Variants in ZNF140 observed in about 807,000 individuals in gnomAD.
ZNF140 encodes the protein zinc finger protein 140, also known as zinc finger protein 140 (clone pHZ-39).
Under a neutral mutation model 12.9 loss-of-function variants are expected in ZNF140, and 13 were observed. The observed-to-expected ratio is 1.01, with a 90% CI of 0.66 to 1.60. The LOEUF is 1.60. Ranked by LOEUF, ZNF140 falls within the 40% of genes most tolerant of loss-of-function variation. The pLI, the probability that ZNF140 is intolerant of heterozygous loss-of-function variation, is 0.00. For synonymous variants in ZNF140, 214 were observed against 186.7 expected (o/e 1.15, Z -1.19); for missense variants, 531 against 548.8 (o/e 0.97, Z 0.32).
At chr12:133,081,360 T>C in intron 2 of ZNF140, 31 bp downstream of exon 2, 2 of 269,130 alleles carry the variant, frequency 7.4e-6, no homozygotes, top group South Asian at 7.6e-5. Flanking sequence ...TATATATATA[T>C]ATATATATAT....
Position 133,105,508 on chromosome 12 carries a change from A to C in ZNF140, c.233-2A>C. ...ATTCACTTTTTTTTTGGTATCTTTCAGTTTCAGAGTCAAGTGGTGAGATCA... is the reference window on the plus strand; with the variant it reads ...ATTCACTTTTTTTTTGGTATCTTTCCGTTTCAGAGTCAAGTGGTGAGATCA... On this transcript the variant is annotated splice_acceptor_variant, in intron 4 of 4. Transcript: ENST00000355557. LOFTEE classifies it high-confidence loss of function. 4 of 1,574,380 alleles carry C rather than the reference A, an allele frequency of 2.5e-6. No homozygotes were observed. Among genetic ancestry groups the C allele is most frequent in the Non-Finnish European group, 3.4e-6 (4 of 1,163,964 alleles).
At chr12:133,083,068 G>A (rs890280235) in intron 2 of ZNF140, 35 bp from the exon 3 acceptor site, 22 of 1,613,898 alleles carry the variant, frequency 1.4e-5, no homozygotes, top group African/African-American at 5.3e-5. Flanking sequence ...GGGGGCATGC[G>A]TGCTGGTCAT....
At position 133,083,471 on chromosome 12, in the gene ZNF140, TC is replaced by T. The variant is rs1219185603; in HGVS notation, c.144del (p.Ile49PhefsTer23). The T allele has an allele frequency of 5.0e-6, 8 of 1,611,482 alleles. No homozygotes were observed. In the Admixed American group the frequency reaches 1.3e-4, roughly 27 times the overall value. On this transcript the variant is annotated frameshift_variant, in exon 4 of 5. Transcript: ENST00000355557. LOFTEE classifies it high-confidence loss of function. ...ATTTCATTTTCTGCAAGCAGGTCTT[TC>T]CATTTCTAAGCCAGATGTGGTTTCC... Reference protein sequence around the residue: ...NYGHLVSLGLSISKPDVVSLL... With the variant: ...NYGHLVSLGLXISKPDVVSLL...
chr12:133,099,602 C>T (rs1283229450), intron 4 of ZNF140, among the ~76,000 whole-genome samples: 2 of 152,186 alleles, frequency 1.3e-5, no homozygotes, highest in Non-Finnish European at 2.9e-5. Flanking sequence ...GTGGGAGGTG[C>T]TTGAGCCCAG....
Position 133,106,017 on chromosome 12 carries a change from G to A in ZNF140, c.740G>A (p.Cys247Tyr), listed in dbSNP as rs570468517. 1.9e-6 allele frequency: 3 copies of A among 1,614,122 alleles called. No homozygotes were observed. The South Asian group carries it at 3.3e-5, about 18-fold the overall frequency. ...RTHTGEKPYE[C>Y]TECGKAFSRA... The stretch of plus-strand genomic sequence containing the variant: ...CACACTGGGGAGAAACCTTATGAAT[G>A]TACTGAGTGTGGAAAGGCCTTTAGC... Residue 247 changes from cysteine to tyrosine, a missense_variant, in exon 5 of 5, where the codon TGT becomes TAT. Coordinates refer to ENST00000355557, the MANE Select transcript of ZNF140 (RefSeq NM_003440.4).
rs200990062 is a variant in ZNF140 at position 133,091,137 on chromosome 12, A to C, written c.232+7576A>C. The stretch of plus-strand genomic sequence containing the variant: ...ACAGGTGTCGGGCTGGGGGACGGTC[A>C]GGTCTTTCTCATCCCACGAGGCCAT... On this transcript the variant is annotated intron_variant, in intron 4 of 4. Coordinates refer to ENST00000355557, the MANE Select transcript of ZNF140 (RefSeq NM_003440.4). 5.0e-4 allele frequency among the ~76,000 whole-genome samples: 75 copies of C among 150,122 alleles called. 3 individuals carry two copies. The East Asian group carries it at 0.012, about 25-fold the overall frequency.
chr12:133,085,414 CACAG>C (rs1954642292), intron 4 of ZNF140, among the ~76,000 whole-genome samples: 2 of 152,298 alleles, frequency 1.3e-5, no homozygotes, highest in African/African-American at 2.4e-5. Context: ...AAATATCACA[CACAG>C]ACAGAAGTAA....
chr12:133,084,282 A>G (rs1954601252), intron 4 of ZNF140: 2 of 348,568 alleles, frequency 5.7e-6, no homozygotes, highest in African/African-American at 2.2e-5. Context: ...CTATTTAATC[A>G]CCTTGAAAAG....
Position 133,105,670 on chromosome 12 carries a change from A to C in ZNF140, c.393A>C (p.Gln131His). The C allele has an allele frequency of 1.2e-6, 2 of 1,614,216 alleles. No individual in the cohort carries two copies. The highest frequency in any genetic ancestry group is 1.7e-6 in the Non-Finnish European group (2 of 1,180,038). ...WKCKDHTEML[Q>H]ENQGCIRKVT... ...GCAAGGATCATACTGAGATGCTGCA[A>C]GAAAATCAGGGATGTATTAGGAAAG... Residue 131 changes from glutamine (Q) to histidine (H), a missense_variant, in exon 5 of 5, where the codon CAA becomes CAC. Gln to His is a conservative substitution (Grantham distance 24). Transcript: ENST00000355557.
Position 133,106,406 on chromosome 12 carries a change from AAG to A in ZNF140, c.1132_1133del (p.Thr380TrpfsTer9). The part of the protein sequence containing the change: ...TWHASLIQHT[K>X]SHTGEKPYAC... Reference sequence around the variant, plus strand: ...GCATGCATCCCTTATTCAACATACGAAGAGTCACACTGGAGAGAAACCCTATG... The same window carrying A: ...GCATGCATCCCTTATTCAACATACGAAGTCACACTGGAGAGAAACCCTATG... On this transcript the variant is annotated frameshift_variant, in exon 5 of 5. Transcript: ENST00000355557. LOFTEE classifies it low-confidence loss of function (END_TRUNC). 6.2e-7 allele frequency: 1 copy of A among 1,614,200 alleles called. No individual in the cohort carries two copies. Among genetic ancestry groups the A allele is most frequent in the Non-Finnish European group, 8.5e-7 (1 of 1,180,028 alleles).
At position 133,105,906 on chromosome 12, in the gene ZNF140, T is replaced by C. The variant is rs1955573877; in HGVS notation, c.629T>C (p.Ile210Thr). The C allele has an allele frequency of 3.1e-6, 5 of 1,614,140 alleles. No individual in the cohort carries two copies. Among genetic ancestry groups the C allele is most frequent in the Admixed American group, 1.7e-5 (1 of 60,016 alleles). The change falls in exon 5 of 5, where the codon ATA (isoleucine) becomes ACA (threonine). Residue 210 changes from isoleucine (I) to threonine (T), a missense_variant. Coordinates refer to ENST00000355557, the MANE Select transcript of ZNF140 (RefSeq NM_003440.4). ...QISNLVKHQM[I>T]HTGKKPHECK... ...TCAAACCTTGTGAAACACCAAATGA[T>C]ACATACTGGAAAGAAACCCCATGAG...
rs796562071 is a variant in ZNF140 at position 133,099,023 on chromosome 12, G to A, written c.233-6487G>A. 1.1e-4 allele frequency among the ~76,000 whole-genome samples: 17 copies of A among 152,074 alleles called. No homozygotes were observed. The South Asian group carries it at 1.4e-3, about 13-fold the overall frequency. On this transcript the variant is annotated intron_variant, in intron 4 of 4. Transcript: ENST00000355557. The stretch of plus-strand genomic sequence containing the variant: ...CCTAAGTAGCTGGGACTACAGGCGC[G>A]AGCCACCACGCTCAGCTAATTTTTG...
At chr12:133,085,909 C>CT (rs1368607016) in intron 4 of ZNF140, among the ~76,000 whole-genome samples, 1 of 152,166 alleles carries the variant, frequency 6.6e-6, no homozygotes, top group African/African-American at 2.4e-5. Context: ...GTCCTAGCTA[C>CT]TTGAGAGGTT....
At chr12:133,103,816 T>C (rs1198751499) in intron 4 of ZNF140, among the ~76,000 whole-genome samples, 1 of 152,240 alleles carries the variant, frequency 6.6e-6, no homozygotes, top group East Asian at 1.9e-4. Context: ...AAAGAATTAC[T>C]CAGTTCACAT....
rs962496668 is a variant in ZNF140 at position 133,096,292 on chromosome 12, T to C, written c.233-9218T>C. Among the ~76,000 whole-genome samples, 77 of 152,150 alleles carry C rather than the reference T, an allele frequency of 5.1e-4. 2 individuals are homozygous for C. Among genetic ancestry groups the C allele is most frequent in the Admixed American group, 4.3e-3 (66 of 15,272 alleles). ...TGCACAGCCCTAGATCCCTTAAACA[T>C]TGATTTTATACAACACGTTTTTGTG... On this transcript the variant is annotated intron_variant, in intron 4 of 4. Transcript: ENST00000355557.
intron 4 of ZNF140, among the ~76,000 whole-genome samples, chr12:133,100,835 G>C (rs1955319293): frequency 6.6e-6 from 1 of 152,182 alleles, no homozygotes; most frequent in African/African-American, 2.4e-5. Flanking sequence ...CAGGTGGGTA[G>C]CATTCGCAGC....
chr12:133,084,251 A>G lies in ZNF140; in HGVS notation c.232+690A>G, dbSNP rs1027980450. 1.6e-5 allele frequency: 6 copies of G among 380,000 alleles called. No individual in the cohort carries two copies. The Admixed American group carries it at 1.6e-4, about 10-fold the overall frequency. 23.5% of individuals were successfully genotyped at this position (380,000 alleles called of 1,614,324 possible). A position where few individuals can be genotyped will look rare whatever the true frequency, so the allele number is the denominator to read the frequency against. The stretch of plus-strand genomic sequence containing the variant: ...CAACCTGAGAAAGAAAAAAAAAATT[A>G]AAAGTACATATTTTGCTGTTCTATT... On this transcript the variant is annotated intron_variant, in intron 4 of 4. Coordinates refer to ENST00000355557, the MANE Select transcript of ZNF140 (RefSeq NM_003440.4).
At chr12:133,095,682 T>G (rs1280250437) in intron 4 of ZNF140, among the ~76,000 whole-genome samples, 5 of 151,708 alleles carry the variant, frequency 3.3e-5, no homozygotes, top group Non-Finnish European at 7.4e-5. Context: ...CAAAAAGGAA[T>G]GTAGTAGGAG....
Position 133,106,773 on chromosome 12 carries a change from G to T in ZNF140, c.*122G>T. The T allele has an allele frequency of 2.3e-6, 2 of 880,604 alleles. No homozygotes were observed. The highest frequency in any genetic ancestry group is 3.2e-6 in the Non-Finnish European group (2 of 616,488). The allele number at this position is 880,604 out of a possible 1,614,324, so 54.5% of individuals were successfully genotyped here. On this transcript the variant is annotated 3_prime_UTR_variant, in exon 5 of 5. Coordinates refer to ENST00000355557, the MANE Select transcript of ZNF140 (RefSeq NM_003440.4). ...AAAGTGATGACTGTGAAGTAATATG[G>T]CCCACACTTTATTCACCACCCTGGA...
Sources: allele counts gnomAD v4.1 joint callset (sites outside exome capture counted in the v4.1 genomes callset), GRCh38; gene constraint gnomAD v4.1.1; transcripts MANE v1.5; gene names NCBI Gene and HGNC (gene_info 2026-07-23, HGNC 2026-07-21).